Variants in PKNOX2 observed in about 807,000 individuals in gnomAD.
PKNOX2 encodes PBX/knotted 1 homeobox 2, also known as homeobox protein PKNOX2.
PKNOX2 carries 14 observed loss-of-function variants against 53.1 expected under a neutral mutation model. The observed-to-expected ratio is 0.26, with a 90% CI of 0.17 to 0.41. The LOEUF (loss-of-function observed/expected upper bound fraction) is 0.41, where lower values mean the gene tolerates loss of function less well. Ranked by LOEUF, PKNOX2 falls within the 10% of genes least tolerant of loss-of-function variation. The pLI is 1.00. For missense variants in PKNOX2, 496 were observed against 602.8 expected (o/e 0.82, Z 1.85); for synonymous variants, 257 against 242.8 (o/e 1.06, Z -0.54).
At chr11:125,176,586 A>G (rs1174671851) in intron 1 of PKNOX2, among the ~76,000 whole-genome samples, 1 of 152,186 alleles carries the variant, frequency 6.6e-6, no homozygotes, top group African/African-American at 2.4e-5. Flanking sequence ...AAGCTAAGGC[A>G]TGAAGGGAGA....
chr11:125,228,886 T>C (rs900018127), intron 1 of PKNOX2, among the ~76,000 whole-genome samples: 2 of 151,720 alleles, frequency 1.3e-5, no homozygotes, highest in Non-Finnish European at 2.9e-5. Flanking sequence ...AGGGCTTTGA[T>C]AGGAGGAATG....
At chr11:125,331,436 C>G (rs56017289) in intron 2 of PKNOX2, among the ~76,000 whole-genome samples, 13,696 of 152,130 alleles carry the variant, frequency 0.09, 766 homozygotes, top group African/African-American at 0.16. Flanking sequence ...CACTGTCCCC[C>G]CTTCCTCTGA....
chr11:125,235,161 AG>A (rs1942560807), intron 2 of PKNOX2, 46 bp downstream of exon 2: 1 of 152,790 alleles, frequency 6.5e-6, no homozygotes, highest in Non-Finnish European at 1.5e-5. Context: ...CAATAAGGTT[AG>A]GGGTTAAAGA....
intron 1 of PKNOX2, among the ~76,000 whole-genome samples, chr11:125,176,987 G>A (rs1955759623): frequency 6.6e-6 from 1 of 152,212 alleles, no homozygotes; most frequent in Non-Finnish European, 1.5e-5. Context: ...TAGGGTCCTG[G>A]TGATAACCTT....
At chr11:125,317,861 AC>A (rs1174837437) in intron 2 of PKNOX2, among the ~76,000 whole-genome samples, 1 of 152,188 alleles carries the variant, frequency 6.6e-6, no homozygotes, top group Non-Finnish European at 1.5e-5. Context: ...CCAGACATTG[AC>A]TTCTCCTTTC....
intron 1 of PKNOX2, among the ~76,000 whole-genome samples, chr11:125,209,237 T>C (rs1376435553): frequency 6.6e-6 from 1 of 152,046 alleles, no homozygotes; most frequent in Non-Finnish European, 1.5e-5. Context: ...AGAAGCAAAG[T>C]CTCTGAAACA....
At chr11:125,354,558 G>A (rs1244903614) in intron 4 of PKNOX2, among the ~76,000 whole-genome samples, 1 of 152,184 alleles carries the variant, frequency 6.6e-6, no homozygotes, top group Admixed American at 6.5e-5. Flanking sequence ...TTTTAATAAT[G>A]TTCCCGTTGT....
chr11:125,303,954 G>A (rs544425119), intron 2 of PKNOX2, among the ~76,000 whole-genome samples: 18 of 152,318 alleles, frequency 1.2e-4, no homozygotes, highest in African/African-American at 4.3e-4. Context: ...ATGCATGGCC[G>A]GCCTGAGCTA....
At chr11:125,359,034 G>A (rs1307916387) in intron 4 of PKNOX2, among the ~76,000 whole-genome samples, 1 of 151,068 alleles carries the variant, frequency 6.6e-6, no homozygotes, top group Non-Finnish European at 1.5e-5. Flanking sequence ...TGGGAGGCAG[G>A]TTGCAGGGGA....
chr11:125,371,582 T>A (rs1952549941), intron 5 of PKNOX2, among the ~76,000 whole-genome samples: 1 of 151,976 alleles, frequency 6.6e-6, no homozygotes, highest in Non-Finnish European at 1.5e-5. Context: ...AGTGAGTGGG[T>A]TCCCATGGAA....
chr11:125,230,124 G>A (rs986461732), intron 1 of PKNOX2, among the ~76,000 whole-genome samples: 1 of 152,232 alleles, frequency 6.6e-6, no homozygotes, highest in Admixed American at 6.5e-5. Flanking sequence ...GCAACTGGGT[G>A]CCCAGCACTG....
chr11:125,297,835 T>A (rs1373657077), intron 2 of PKNOX2, among the ~76,000 whole-genome samples: 1 of 152,190 alleles, frequency 6.6e-6, no homozygotes, highest in East Asian at 1.9e-4. Context: ...CTCGCCAGGA[T>A]GAGCCTGGTG....
chr11:125,211,255 G>A (rs1213143813), intron 1 of PKNOX2, among the ~76,000 whole-genome samples: 3 of 152,254 alleles, frequency 2.0e-5, no homozygotes, highest in Admixed American at 6.5e-5. Context: ...CTACTTCGGA[G>A]TAGGCAAGGG....
chr11:125,252,539 G>C (rs1944082923), intron 2 of PKNOX2, among the ~76,000 whole-genome samples: 1 of 152,186 alleles, frequency 6.6e-6, no homozygotes, highest in Non-Finnish European at 1.5e-5. Flanking sequence ...CCTTTATGAG[G>C]TGTTTCAGAT....
At chr11:125,300,542 G>A (rs1302026644) in intron 2 of PKNOX2, among the ~76,000 whole-genome samples, 1 of 152,100 alleles carries the variant, frequency 6.6e-6, no homozygotes, top group Non-Finnish European at 1.5e-5. Flanking sequence ...ATGAAAAGGA[G>A]GAAAGGTGTG....
chr11:125,308,543 T>C (rs111710977), intron 2 of PKNOX2, among the ~76,000 whole-genome samples: 3,202 of 152,280 alleles, frequency 0.021, 63 homozygotes, highest in Middle Eastern at 0.054. Flanking sequence ...GCCAGATTTA[T>C]TACACCAGCA....
chr11:125,262,332 T>C (rs1326557403), intron 2 of PKNOX2, among the ~76,000 whole-genome samples: 1 of 152,064 alleles, frequency 6.6e-6, no homozygotes, highest in Non-Finnish European at 1.5e-5. Flanking sequence ...AGGACGCTTG[T>C]GTTCTGGCAG....
intron 4 of PKNOX2, among the ~76,000 whole-genome samples, chr11:125,365,017 G>T (rs1055539505): frequency 2.6e-5 from 4 of 152,012 alleles, no homozygotes; most frequent in Admixed American, 6.6e-5. Flanking sequence ...TATTGGAAAG[G>T]TATTATTTAG....
At chr11:125,429,133 A>G (rs909977442) in intron 11 of PKNOX2, 45 bp downstream of exon 11, 3 of 1,526,918 alleles carry the variant, frequency 2.0e-6, no homozygotes, top group Non-Finnish European at 2.7e-6. Flanking sequence ...TCCAGGGGCC[A>G]CCTTCTGGGC....
Sources: gnomAD v4.1 joint callset for allele counts (sites outside exome capture counted in the v4.1 genomes callset) on GRCh38, gnomAD v4.1.1 for gene constraint, MANE v1.5 for transcripts, NCBI Gene and HGNC (gene_info 2026-07-23, HGNC 2026-07-21) for gene names.